The following TIMM23B variants were observed in gnomAD, a reference collection of about 807,000 sequenced individuals.
The protein encoded by TIMM23B is mitochondrial import inner membrane translocase subunit Tim23B.
A neutral mutation model predicts 27.3 loss-of-function variants in TIMM23B; 27 were observed. The observed-to-expected ratio is 0.99, with a 90% CI of 0.73 to 1.36. The LOEUF is 1.36. TIMM23B is among the 40% of genes most tolerant of loss of function. The pLI, the probability that TIMM23B is intolerant of heterozygous loss-of-function variation, is 0.00. For missense variants in TIMM23B, 205 were observed against 244.2 expected (o/e 0.84, Z 1.07); for synonymous variants, 73 against 92.4 (o/e 0.79, Z 1.21).
chr10:49,954,129 T>C, intron 4 of TIMM23B: 1 of 156,726 alleles, frequency 6.4e-6, no homozygotes, highest in Non-Finnish European at 1.4e-5. Flanking sequence ...AATACAAATT[T>C]TTGTTTCTGT....
At chr10:49,957,140 C>T (rs1406344134) in intron 5 of TIMM23B, among the ~76,000 whole-genome samples, 2 of 152,024 alleles carry the variant, frequency 1.3e-5, no homozygotes, top group South Asian at 4.1e-4. Context: ...TGCTTCTGAC[C>T]AACCAGCTTT....
rs1280837790 is a variant in TIMM23B at position 49,955,135 on chromosome 10, C to T, written c.403+75C>T. The T allele has an allele frequency of 7.2e-4, 1,058 of 1,472,052 alleles. 18 individuals carry two copies. The East Asian group carries it at 0.023, about 32-fold the overall frequency. 91.2% of individuals were successfully genotyped at this position (1,472,052 alleles called of 1,614,324 possible). On this transcript the variant is annotated intron_variant, in intron 5 of 6. Transcript: ENST00000651259. ...GCACAAATATCATGAACAATTTGAT[C>T]AACCCATATTCTGGTCCTAGGATAT...
At chr10:49,942,650 C>T (rs1389381707) in intron 1 of TIMM23B, among the ~76,000 whole-genome samples, 1 of 152,120 alleles carries the variant, frequency 6.6e-6, no homozygotes, top group Non-Finnish European at 1.5e-5. Context: ...TTCCAAATAG[C>T]AAGCCCGTAG....
intron 6 of TIMM23B, among the ~76,000 whole-genome samples, chr10:49,962,759 A>AT (rs1341062399): frequency 1.3e-5 from 2 of 152,086 alleles, no homozygotes; most frequent in Non-Finnish European, 2.9e-5. Flanking sequence ...TTGCACATAC[A>AT]TTTTAGTTGT....
chr10:49,942,105 G>T lies in TIMM23B; in HGVS notation c.-90G>T. 2 of 1,429,466 alleles carry T rather than the reference G, an allele frequency of 1.4e-6. No individual in the cohort carries two copies. The highest frequency in any genetic ancestry group is 5.0e-5 in the East Asian group (2 of 40,060). The allele number at this position is 1,429,466 out of a possible 1,614,324, so 88.5% of individuals were successfully genotyped here. ...CGTGTGAAGTAGGCGCTGGCAACGCGGGGTTACCCGCTGTTATTGAGGAGT... is the reference window on the plus strand; with the variant it reads ...CGTGTGAAGTAGGCGCTGGCAACGCTGGGTTACCCGCTGTTATTGAGGAGT... On this transcript the variant is annotated 5_prime_UTR_variant, in exon 1 of 7. Transcript: ENST00000651259.
chr10:49,945,097 C>T lies in TIMM23B; in HGVS notation c.165+7C>T, dbSNP rs1195772276. 3.1e-6 allele frequency: 5 copies of T among 1,611,378 alleles called. No homozygotes were observed. In the South Asian group the frequency reaches 4.4e-5, roughly 14 times the overall value. ...TCCACGATACCTCGTGCAGGTAAGA[C>T]TAAGATTTTACTAGTTTGGTGCATT... On this transcript the variant is annotated splice_region_variant and intron_variant, in intron 2 of 6. Coordinates refer to ENST00000651259, the MANE Select transcript of TIMM23B (RefSeq NM_001290117.2).
At chr10:49,971,051 CAT>C (rs1438282262) in intron 6 of TIMM23B, among the ~76,000 whole-genome samples, 4 of 152,188 alleles carry the variant, frequency 2.6e-5, no homozygotes, top group South Asian at 4.1e-4. Context: ...CTCTCTGAAA[CAT>C]GTGCTGTGTC....
chr10:49,947,325 A>T (rs1413349232), intron 2 of TIMM23B, among the ~76,000 whole-genome samples: 2 of 152,190 alleles, frequency 1.3e-5, no homozygotes, highest in African/African-American at 4.8e-5. Context: ...ACAAGAATGG[A>T]GGCCAGGTGC....
intron 2 of TIMM23B, among the ~76,000 whole-genome samples, chr10:49,950,946 C>A (rs1839511502): frequency 6.6e-6 from 1 of 152,088 alleles, no homozygotes. Context: ...ATTTACCTTA[C>A]CACATTGAAT....
intron 6 of TIMM23B, among the ~76,000 whole-genome samples, chr10:49,967,063 G>T (rs7098724): frequency 0.43 from 65,777 of 151,726 alleles, 16,713 homozygotes; most frequent in East Asian, 0.6. Context: ...AGGACTACAG[G>T]CACATGCCAC....
rs1474288852 is a variant in TIMM23B at position 49,961,730 on chromosome 10, G to C, written c.514+3250G>C. ...TCCTCTCACCTCAGCCTGCCCAGTG[G>C]TTCAGACTACAGGTGCATGCCACCA... On this transcript the variant is annotated intron_variant, in intron 6 of 6. Transcript: ENST00000651259. Among the ~76,000 whole-genome samples the C allele has an allele frequency of 5.9e-3, 899 of 151,576 alleles. 5 individuals are homozygous for C. The highest frequency in any genetic ancestry group is 0.016 in the African/African-American group (671 of 41,266).
intron 2 of TIMM23B, 96 bp from the exon 3 acceptor site, chr10:49,952,030 T>A: frequency 1.1e-6 from 1 of 921,642 alleles, no homozygotes; most frequent in Non-Finnish European, 1.7e-6. Context: ...TAAGGTTTAT[T>A]TTCTGTGAAA....
intron 5 of TIMM23B, among the ~76,000 whole-genome samples, chr10:49,956,627 G>A (rs1247552043): frequency 4.1e-5 from 6 of 146,114 alleles, no homozygotes; most frequent in Admixed American, 1.4e-4. Context: ...CCAGTCAGTC[G>A]TGTATCATGT....
At chr10:49,951,580 A>G (rs1225641393) in intron 2 of TIMM23B, among the ~76,000 whole-genome samples, 206 of 152,278 alleles carry the variant, frequency 1.4e-3, no homozygotes, top group African/African-American at 4.9e-3. Flanking sequence ...TGCAATTACT[A>G]GAAATAGGGT....
intron 2 of TIMM23B, among the ~76,000 whole-genome samples, chr10:49,945,322 G>A (rs1454615751): frequency 8.5e-5 from 13 of 152,090 alleles, no homozygotes; most frequent in African/African-American, 2.9e-4. Context: ...ATTTTTGAAA[G>A]CACCCCAATA....
At chr10:49,952,589 A>G in intron 4 of TIMM23B, 56 bp downstream of exon 4, 1 of 1,597,428 alleles carries the variant, frequency 6.3e-7, no homozygotes, top group Non-Finnish European at 8.6e-7. Flanking sequence ...GCTCTGTTGT[A>G]TTGGTTTGAT....
chr10:49,942,379 G>C, intron 1 of TIMM23B, 79 bp downstream of exon 1: 1 of 1,551,090 alleles, frequency 6.4e-7, no homozygotes, highest in Non-Finnish European at 8.7e-7. Context: ...CATGTTTTAT[G>C]TTGTTGGTTT....
At chr10:49,965,568 G>A (rs1350888935) in intron 6 of TIMM23B, among the ~76,000 whole-genome samples, 2 of 148,904 alleles carry the variant, frequency 1.3e-5, no homozygotes, top group Non-Finnish European at 1.5e-5. Context: ...GATGAAATAC[G>A]AAATGCCAGG....
chr10:49,943,330 C>G (rs1823527685), intron 1 of TIMM23B: 1 of 152,080 alleles, frequency 6.6e-6, no homozygotes, highest in African/African-American at 2.4e-5. Flanking sequence ...ATCCTCCCCT[C>G]TAAGCCTCCT....
Sources: gnomAD v4.1 joint callset for allele counts (sites outside exome capture counted in the v4.1 genomes callset) on GRCh38, gnomAD v4.1.1 for gene constraint, MANE v1.5 for transcripts, NCBI Gene and HGNC (gene_info 2026-07-23, HGNC 2026-07-21) for gene names.